PACRG: variants seen among roughly 807,000 people sequenced by gnomAD.
PACRG encodes parkin coregulated.
PACRG carries 29 observed loss-of-function variants against 29.7 expected under a neutral mutation model. That is an observed-to-expected ratio of 0.98 (90% CI 0.73 to 1.33). The LOEUF (loss-of-function observed/expected upper bound fraction) is 1.33. PACRG is among the 40% of genes most tolerant of loss of function. The pLI is 0.00. For synonymous variants in PACRG, 116 were observed against 118.7 expected, an observed-to-expected ratio of 0.98 and a Z score of 0.15; for missense variants, 279 against 316.2, an observed-to-expected ratio of 0.88 and a Z score of 0.89.
chr6:162,758,146 C>T (rs1200020835), intron 1 of PACRG, among the ~76,000 whole-genome samples: 1 of 152,076 alleles, frequency 6.6e-6, no homozygotes, highest in Admixed American at 6.6e-5. Context: ...GCTTGGGTGT[C>T]CAAATACTAC....
intron 4 of PACRG, among the ~76,000 whole-genome samples, chr6:163,284,404 G>A (rs981874206): frequency 9.9e-5 from 15 of 152,256 alleles, no homozygotes; most frequent in African/African-American, 2.9e-4. Flanking sequence ...CAGAGTTCAC[G>A]GGCATGAATT....
intron 2 of PACRG, among the ~76,000 whole-genome samples, chr6:162,873,220 G>A (rs1792980994): frequency 1.3e-5 from 2 of 152,096 alleles, no homozygotes. Flanking sequence ...GTGTGTGTGT[G>A]TGTGTGTTTA....
At chr6:162,767,040 A>C (rs1782851294) in intron 1 of PACRG, among the ~76,000 whole-genome samples, 1 of 152,104 alleles carries the variant, frequency 6.6e-6, no homozygotes, top group Non-Finnish European at 1.5e-5. Context: ...CTTAATTGCA[A>C]CATGGAAAAA....
chr6:163,128,703 C>T (rs1485039594), intron 4 of PACRG, among the ~76,000 whole-genome samples: 3 of 152,160 alleles, frequency 2.0e-5, no homozygotes, highest in African/African-American at 7.2e-5. Context: ...CTCAGACTGT[C>T]ATTTAGCCAA....
intron 1 of PACRG, among the ~76,000 whole-genome samples, chr6:162,797,628 A>G (rs1041596718): frequency 3.3e-5 from 5 of 152,224 alleles, no homozygotes; most frequent in African/African-American, 1.2e-4. Flanking sequence ...AAACATTTTT[A>G]TAACCACATT....
At chr6:163,113,464 C>T (rs1490800952) in intron 4 of PACRG, among the ~76,000 whole-genome samples, 1 of 151,950 alleles carries the variant, frequency 6.6e-6, no homozygotes, top group Non-Finnish European at 1.5e-5. Flanking sequence ...ATAATCAAAC[C>T]ATCAAAAGAC....
At chr6:163,191,569 CT>C (rs1173342842) in intron 4 of PACRG, 1 of 446,906 alleles carries the variant, frequency 2.2e-6, no homozygotes, top group African/African-American at 2.0e-5. Context: ...GCTCAAGGAT[CT>C]TGAGTGTATC....
At chr6:162,970,009 G>T (rs759191492) in intron 2 of PACRG, among the ~76,000 whole-genome samples, 3 of 152,164 alleles carry the variant, frequency 2.0e-5, no homozygotes, top group Non-Finnish European at 2.9e-5. Flanking sequence ...GATAGGCCGG[G>T]TGCAGTAGAG....
At chr6:162,827,899 G>A (rs1295819146) in intron 2 of PACRG, among the ~76,000 whole-genome samples, 1 of 151,750 alleles carries the variant, frequency 6.6e-6, no homozygotes, top group Non-Finnish European at 1.5e-5. Flanking sequence ...CCCTTCTTGG[G>A]GAAACCAGCA....
intron 4 of PACRG, among the ~76,000 whole-genome samples, chr6:163,145,202 A>G (rs1386194349): frequency 1.3e-5 from 2 of 152,186 alleles, no homozygotes; most frequent in Non-Finnish European, 2.9e-5. Context: ...TAGACAAATC[A>G]TTTGATCACT....
At chr6:162,928,511 T>G (rs570669793) in intron 2 of PACRG, among the ~76,000 whole-genome samples, 1 of 152,096 alleles carries the variant, frequency 6.6e-6, no homozygotes, top group Admixed American at 6.6e-5. Context: ...GCATATTTTC[T>G]GGGTACATGT....
At chr6:163,178,489 C>T (rs997597767) in intron 4 of PACRG, among the ~76,000 whole-genome samples, 3 of 152,176 alleles carry the variant, frequency 2.0e-5, no homozygotes, top group Admixed American at 1.3e-4. Context: ...GACACAGACA[C>T]ATGCAGGAAA....
intron 4 of PACRG, among the ~76,000 whole-genome samples, chr6:163,234,063 T>G (rs184038304): frequency 6.6e-6 from 1 of 152,178 alleles, no homozygotes; most frequent in Admixed American, 6.6e-5. Flanking sequence ...AAGAGTACTC[T>G]TGTCATTAAT....
At chr6:162,989,480 C>T (rs534642945) in intron 2 of PACRG, among the ~76,000 whole-genome samples, 1 of 152,242 alleles carries the variant, frequency 6.6e-6, no homozygotes, top group East Asian at 1.9e-4. Flanking sequence ...TTGCATATAA[C>T]CTACACACAT....
rs187594171 is a variant in PACRG at position 162,756,403 on chromosome 6, G to A, written c.156+28012G>A. 4.0e-3 allele frequency among the ~76,000 whole-genome samples: 614 copies of A among 151,924 alleles called. 3 individuals are homozygous for A. The highest frequency in any genetic ancestry group is 5.6e-3 in the Non-Finnish European group (383 of 67,928). On this transcript the variant is annotated intron_variant, in intron 1 of 4. Transcript: ENST00000366888. ...TTTATCATTATGTAATAATCTTCTC[G>A]TCCCTTTTAATAATTTTTTTTACTT...
At chr6:163,280,617 C>G (rs547391372) in intron 4 of PACRG, among the ~76,000 whole-genome samples, 37 of 152,280 alleles carry the variant, frequency 2.4e-4, no homozygotes, top group Middle Eastern at 3.4e-3. Flanking sequence ...TTTGTGGAGA[C>G]AGGAAGTCCA....
intron 2 of PACRG, among the ~76,000 whole-genome samples, chr6:162,888,613 T>C (rs1038250791): frequency 1.3e-5 from 2 of 152,116 alleles, no homozygotes; most frequent in Non-Finnish European, 2.9e-5. Flanking sequence ...CACTCCTTGA[T>C]CTCAGCTTAC....
chr6:163,038,808 G>C (rs1263157002), intron 2 of PACRG, among the ~76,000 whole-genome samples: 1 of 152,166 alleles, frequency 6.6e-6, no homozygotes, highest in African/African-American at 2.4e-5. Flanking sequence ...GACAGGAAGG[G>C]CTCTCTGAGC....
chr6:163,300,651 A>G (rs892852989), intron 4 of PACRG, among the ~76,000 whole-genome samples: 4 of 152,264 alleles, frequency 2.6e-5, no homozygotes, highest in African/African-American at 4.8e-5. Context: ...ACATGTATTA[A>G]GTGCCTTTAG....
Sources: allele counts gnomAD v4.1 joint callset (sites outside exome capture counted in the v4.1 genomes callset), GRCh38; gene constraint gnomAD v4.1.1; transcripts MANE v1.5; gene names NCBI Gene and HGNC (gene_info 2026-07-23, HGNC 2026-07-21).